The following CCN4 variants were observed in gnomAD, a reference collection of about 807,000 sequenced individuals.
The protein encoded by CCN4 is cellular communication network factor 4, also known as CCN family member 4.
In CCN4, 30 loss-of-function variants were observed where a neutral mutation model predicts 36.7. The ratio of observed to expected loss-of-function variants is 0.82; its 90% CI spans 0.61 to 1.11. CCN4 has a LOEUF of 1.11. Ranked by LOEUF, CCN4 falls within the 50% of genes least tolerant of loss-of-function variation. The pLI is 0.00. For synonymous variants in CCN4, 191 were observed against 195.4 expected (o/e 0.98, Z 0.19); for missense variants, 505 against 504.9 (o/e 1.00, Z 0.00).
At chr8:133,191,239 A>G in intron 1 of CCN4, 26 bp downstream of exon 1, 1 of 1,597,572 alleles carries the variant, frequency 6.3e-7, no homozygotes. Context: ...AGGGGCTCAG[A>G]GGGAGACCCA....
chr8:133,212,469 G>A (rs528543823), intron 1 of CCN4, among the ~76,000 whole-genome samples: 4 of 152,174 alleles, frequency 2.6e-5, no homozygotes, highest in South Asian at 4.2e-4. Context: ...CATGGGATCC[G>A]AGCCCCGCGC....
At chr8:133,215,733 A>C (rs75958731) in intron 2 of CCN4, among the ~76,000 whole-genome samples, 1 of 152,116 alleles carries the variant, frequency 6.6e-6, no homozygotes. Flanking sequence ...TATTTGAAAA[A>C]AACAAAAACT....
Position 133,194,675 on chromosome 8 carries a change from TGTGTGTGTGGTGTGTGTGTGGAGG to T in CCN4, c.69+3481_69+3504del, listed in dbSNP as rs1233435703. On this transcript the variant is annotated intron_variant, in intron 1 of 4. Transcript: ENST00000250160. ...TGTGCGTGTGTGGTGGGGGATGTGG[TGTGTGTGTGGTGTGTGTGTGGAGG>T]GTGTGTGTGGTGTGTGTGGGGATGT... is the stretch of plus-strand genomic sequence containing the variant. Among the ~76,000 whole-genome samples, 227 of 65,730 alleles carry T rather than the reference TGTGTGTGTGGTGTGTGTGTGGAGG, an allele frequency of 3.5e-3. 3 individuals are homozygous for T. The highest frequency in any genetic ancestry group is 0.012 in the African/African-American group (197 of 15,864). 43.1% of individuals were successfully genotyped at this position (65,730 alleles called of 152,430 possible).
intron 2 of CCN4, among the ~76,000 whole-genome samples, chr8:133,216,846 T>A (rs1009512392): frequency 1.3e-5 from 2 of 152,114 alleles, no homozygotes; most frequent in African/African-American, 4.8e-5. Context: ...AATAAGGAAA[T>A]GTCAAAAAAT....
At chr8:133,195,615 T>C (rs952970290) in intron 1 of CCN4, among the ~76,000 whole-genome samples, 16 of 152,048 alleles carry the variant, frequency 1.1e-4, no homozygotes, top group Non-Finnish European at 2.9e-5. Flanking sequence ...TCTTGGAGGC[T>C]GGCACGAGGA....
At chr8:133,204,708 C>T (rs1452648546) in intron 1 of CCN4, among the ~76,000 whole-genome samples, 2 of 152,220 alleles carry the variant, frequency 1.3e-5, no homozygotes, top group Non-Finnish European at 2.9e-5. Context: ...GCATGTGCCA[C>T]TACATCCAGC....
intron 3 of CCN4, 54 bp from the exon 4 acceptor site, chr8:133,225,336 G>A (rs554907476): frequency 2.8e-5 from 42 of 1,512,360 alleles, no homozygotes; most frequent in South Asian, 2.3e-4. Context: ...GAAAGTGAGG[G>A]TTGGGGGCTG....
intron 1 of CCN4, among the ~76,000 whole-genome samples, chr8:133,192,513 G>A (rs1453811656): frequency 2.6e-5 from 4 of 152,208 alleles, no homozygotes; most frequent in Non-Finnish European, 5.9e-5. Flanking sequence ...TTGCCCAGGA[G>A]CTCCTCATTA....
At chr8:133,192,536 G>C (rs1853152902) in intron 1 of CCN4, among the ~76,000 whole-genome samples, 1 of 152,184 alleles carries the variant, frequency 6.6e-6, no homozygotes, top group Non-Finnish European at 1.5e-5. Context: ...AAGTGGCCAG[G>C]GCCCAAACTT....
intron 1 of CCN4, among the ~76,000 whole-genome samples, chr8:133,195,638 G>T (rs1224229229): frequency 6.6e-6 from 1 of 152,230 alleles, no homozygotes; most frequent in East Asian, 1.9e-4. Context: ...GCACTGAAAG[G>T]CATTTCCCCC....
chr8:133,225,710 C>A, intron 4 of CCN4, 127 bp downstream of exon 4: 1 of 929,456 alleles, frequency 1.1e-6, no homozygotes. Context: ...CCTGGTAGGT[C>A]TGGTGTAACA....
chr8:133,200,617 C>A (rs1308369925), intron 1 of CCN4, among the ~76,000 whole-genome samples: 1 of 152,166 alleles, frequency 6.6e-6, no homozygotes, highest in Non-Finnish European at 1.5e-5. Flanking sequence ...GAGGATAGGA[C>A]CTGGAGTCAA....
chr8:133,214,948 T>C (rs1000208188), intron 2 of CCN4, among the ~76,000 whole-genome samples: 1 of 152,238 alleles, frequency 6.6e-6, no homozygotes, highest in East Asian at 1.9e-4. Context: ...TTATTTTATC[T>C]GAACCACATG....
At chr8:133,192,398 C>T (rs528462948) in intron 1 of CCN4, among the ~76,000 whole-genome samples, 5 of 152,162 alleles carry the variant, frequency 3.3e-5, no homozygotes, top group Non-Finnish European at 7.3e-5. Flanking sequence ...AATCCTCACG[C>T]CTGGCATGGT....
At chr8:133,199,708 G>A (rs926267196) in intron 1 of CCN4, among the ~76,000 whole-genome samples, 27 of 152,072 alleles carry the variant, frequency 1.8e-4, no homozygotes, top group Admixed American at 4.6e-4. Flanking sequence ...ATGCACACAC[G>A]CACACACAGG....
chr8:133,224,935 CAAA>C (rs55861580), intron 3 of CCN4, among the ~76,000 whole-genome samples: 1,436 of 130,178 alleles, frequency 0.011, 19 homozygotes, highest in African/African-American at 0.038. Context: ...AACTCTGTCT[CAAA>C]AAAAAAAAAA....
rs965635836 is a variant in CCN4 at position 133,228,357 on chromosome 8, A to T, written c.*647A>T. The T allele has an allele frequency of 4.6e-5, 7 of 152,278 alleles. No homozygotes were observed. Among genetic ancestry groups the T allele is most frequent in the Non-Finnish European group, 1.0e-4 (7 of 68,082 alleles). 9.4% of individuals were successfully genotyped at this position (152,278 alleles called of 1,614,324 possible). A position where few individuals can be genotyped will look rare whatever the true frequency, so the allele number is the denominator to read the frequency against. ...CACCCCTACACTGTGAAGGGTACAG[A>T]TTAGGTTTGTCCCAGTCAGAAATAA... On this transcript the variant is annotated 3_prime_UTR_variant, in exon 5 of 5. Transcript: ENST00000250160.
rs1054698739 is a variant in CCN4 at position 133,229,771 on chromosome 8, C to T, written c.*2061C>T. 6.6e-6 allele frequency: 1 copy of T among 152,172 alleles called. No individual in the cohort carries two copies. The highest frequency in any genetic ancestry group is 6.5e-5 in the Admixed American group (1 of 15,280). The allele number at this position is 152,172 out of a possible 1,614,324, so 9.4% of individuals were successfully genotyped here. ...TACATGAAAATAGAATTTTAACAGT[C>T]AAAATTTTATATTAAGTGCCTTAGC... On this transcript the variant is annotated 3_prime_UTR_variant, in exon 5 of 5. Coordinates refer to ENST00000250160, the MANE Select transcript of CCN4 (RefSeq NM_003882.4).
At chr8:133,206,021 AG>A (rs1853758460) in intron 1 of CCN4, among the ~76,000 whole-genome samples, 1 of 152,154 alleles carries the variant, frequency 6.6e-6, no homozygotes, top group Admixed American at 6.5e-5. Flanking sequence ...GGTGTGGCTT[AG>A]GGGCCCGAGC....
Sources: gnomAD v4.1 joint callset for allele counts (sites outside exome capture counted in the v4.1 genomes callset) on GRCh38, gnomAD v4.1.1 for gene constraint, MANE v1.5 for transcripts, NCBI Gene and HGNC (gene_info 2026-07-23, HGNC 2026-07-21) for gene names.